OTOGL: variants seen among roughly 807,000 people sequenced by gnomAD.
The protein encoded by OTOGL is otogelin like, also known as otogelin-like protein.
OTOGL carries 285 observed loss-of-function variants against 318.5 expected under a neutral mutation model. That is an observed-to-expected ratio of 0.89 (90% CI 0.81 to 0.99). The LOEUF (loss-of-function observed/expected upper bound fraction) is 0.99. Among genes scored for constraint, OTOGL ranks in the 50% least tolerant of loss-of-function variants. The probability of loss-of-function intolerance (pLI) is 0.00; values close to 1 mark genes in which losing one functional copy is unlikely to be tolerated. For missense variants in OTOGL, 2,899 were observed against 2,845.6 expected, an observed-to-expected ratio of 1.02 and a Z score of -0.43; for synonymous variants, 987 against 936.5, an observed-to-expected ratio of 1.05 and a Z score of -0.99.
chr12:80,222,508 G>A lies in OTOGL; in HGVS notation c.489+263G>A, dbSNP rs73356998. On this transcript the variant is annotated intron_variant, in intron 7 of 58. Coordinates refer to ENST00000547103, the MANE Select transcript of OTOGL (RefSeq NM_001378609.3). The stretch of plus-strand genomic sequence containing the variant: ...GAGGCTAACATTTATAAAATGGAGT[G>A]TATGAGTTACATAAGCACAGGCTAT... 0.096 allele frequency among the ~76,000 whole-genome samples: 14,555 copies of A among 152,088 alleles called. 790 individuals are homozygous for A. The highest frequency in any genetic ancestry group is 0.15 in the Middle Eastern group (45 of 294).
chr12:80,221,021 A>C (rs1878269944), intron 6 of OTOGL, among the ~76,000 whole-genome samples: 1 of 152,108 alleles, frequency 6.6e-6, no homozygotes, highest in African/African-American at 2.4e-5. Flanking sequence ...AGTCACCCTT[A>C]CCTTTATGCC....
intron 38 of OTOGL, 111 bp from the exon 39 acceptor site, chr12:80,335,852 T>C: frequency 1.0e-6 from 1 of 975,418 alleles, no homozygotes. Context: ...CTTTCAAAAG[T>C]TTTTGTATTC....
At chr12:80,352,464 C>T (rs376347219) in intron 45 of OTOGL, 28 bp downstream of exon 45, 1 of 1,237,262 alleles carries the variant, frequency 8.1e-7, no homozygotes, top group Non-Finnish European at 1.1e-6. Context: ...GAATATTTTT[C>T]CATCATAAAT....
rs377472291 is a variant in OTOGL at position 80,135,482 on chromosome 12, A to G, written c.-20+35877A>G. ...GAAACAGAGTTTCACCACGTTTGTC[A>G]GGCTGGTCTCGAACTCCTGCCCTCA... On this transcript the variant is annotated intron_variant, in intron 1 of 58. Coordinates refer to ENST00000547103, the MANE Select transcript of OTOGL (RefSeq NM_001378609.3). 3.2e-4 allele frequency among the ~76,000 whole-genome samples: 48 copies of G among 152,086 alleles called. 1 individual carries two copies. In the South Asian group the frequency reaches 9.6e-3, roughly 30 times the overall value.
intron 35 of OTOGL, among the ~76,000 whole-genome samples, chr12:80,327,671 GA>G (rs1320259982): frequency 6.6e-6 from 1 of 151,372 alleles, no homozygotes; most frequent in Non-Finnish European, 1.5e-5. Flanking sequence ...TATAAGAGTG[GA>G]AAGCGGGCCG....
At chr12:80,317,791 C>T (rs541713912) in intron 32 of OTOGL, among the ~76,000 whole-genome samples, 1 of 152,176 alleles carries the variant, frequency 6.6e-6, no homozygotes, top group South Asian at 2.1e-4. Flanking sequence ...GCATTTGTAA[C>T]ATTTGTAACC....
intron 37 of OTOGL, among the ~76,000 whole-genome samples, 195 bp from the exon 38 acceptor site, chr12:80,332,810 G>A (rs1565991317): frequency 6.6e-6 from 1 of 152,102 alleles, no homozygotes; most frequent in Non-Finnish European, 1.5e-5. Flanking sequence ...CCACTTAACA[G>A]CCTTACTTCT....
At chr12:80,332,984 T>C (rs776547313) in intron 37 of OTOGL, 21 bp from the exon 38 acceptor site, 6 of 1,557,200 alleles carry the variant, frequency 3.9e-6, no homozygotes, top group African/African-American at 1.4e-5. Context: ...CTAATGAGGA[T>C]TACTTTTTCA....
At chr12:80,275,283 C>G (rs1827602270) in intron 24 of OTOGL, among the ~76,000 whole-genome samples, 1 of 151,908 alleles carries the variant, frequency 6.6e-6, no homozygotes. Flanking sequence ...AAAGTTTATT[C>G]TAACCCTCAC....
intron 44 of OTOGL, 29 bp downstream of exon 44, chr12:80,342,191 T>C (rs1053980636): frequency 6.8e-7 from 1 of 1,480,964 alleles, no homozygotes; most frequent in African/African-American, 1.4e-5. Context: ...TAAATAATAC[T>C]TTCATGTTAG....
intron 32 of OTOGL, among the ~76,000 whole-genome samples, chr12:80,315,127 G>A (rs747770411): frequency 1.8e-4 from 28 of 152,184 alleles, no homozygotes; most frequent in Non-Finnish European, 2.9e-5. Flanking sequence ...CAAAGTTTCA[G>A]CTAGGTAGGA....
At chr12:80,373,009 A>T (rs1592456643) in intron 57 of OTOGL, among the ~76,000 whole-genome samples, 1 of 152,292 alleles carries the variant, frequency 6.6e-6, no homozygotes, top group East Asian at 1.9e-4. Context: ...AATAGAATAG[A>T]GTGTTTTCCA....
At chr12:80,216,060 G>T (rs1438871976) in intron 4 of OTOGL, among the ~76,000 whole-genome samples, 1 of 152,138 alleles carries the variant, frequency 6.6e-6, no homozygotes, top group African/African-American at 2.4e-5. Context: ...TGCGCCTGCA[G>T]TCCCAGCTAC....
chr12:80,264,879 TG>T, intron 19 of OTOGL, 121 bp from the exon 20 acceptor site: 2 of 1,006,596 alleles, frequency 2.0e-6, no homozygotes, highest in Non-Finnish European at 3.0e-6. Context: ...AAGCTGAAAT[TG>T]TTCACTCTTG....
chr12:80,154,404 GT>G (rs1872988103), intron 1 of OTOGL, among the ~76,000 whole-genome samples: 1 of 152,134 alleles, frequency 6.6e-6, no homozygotes, highest in African/African-American at 2.4e-5. Flanking sequence ...ACCACCAACT[GT>G]TATAGTTGTG....
chr12:80,223,248 T>C (rs1214264496), intron 7 of OTOGL, among the ~76,000 whole-genome samples: 1 of 151,430 alleles, frequency 6.6e-6, no homozygotes, highest in South Asian at 2.1e-4. Context: ...TATTCCATGG[T>C]GTGTGTGTGT....
chr12:80,276,396 A>G (rs780991845), intron 24 of OTOGL, among the ~76,000 whole-genome samples: 5 of 151,786 alleles, frequency 3.3e-5, no homozygotes, highest in Non-Finnish European at 5.9e-5. Flanking sequence ...TAAGCAGTCA[A>G]GAATATTAGT....
intron 1 of OTOGL, among the ~76,000 whole-genome samples, chr12:80,116,797 C>T (rs1424066819): frequency 1.3e-5 from 2 of 152,178 alleles, no homozygotes; most frequent in South Asian, 2.1e-4. Context: ...TCCTCTCCTT[C>T]CAAGAGAACA....
At chr12:80,226,015 A>G (rs1365224806) in intron 7 of OTOGL, among the ~76,000 whole-genome samples, 4 of 152,060 alleles carry the variant, frequency 2.6e-5, no homozygotes, top group African/African-American at 9.7e-5. Flanking sequence ...CCTGGCTCAC[A>G]AGAGACAATT....
Sources: allele counts gnomAD v4.1 joint callset (sites outside exome capture counted in the v4.1 genomes callset), GRCh38; gene constraint gnomAD v4.1.1; transcripts MANE v1.5; gene names NCBI Gene and HGNC (gene_info 2026-07-23, HGNC 2026-07-21).